METTL21C: variants seen among roughly 807,000 people sequenced by gnomAD.
METTL21C encodes methyltransferase 21C, AARS1 lysine.
METTL21C carries 21 observed loss-of-function variants against 25.9 expected under a neutral mutation model. That is an observed-to-expected ratio of 0.81 (90% confidence interval 0.58 to 1.17). The LOEUF (loss-of-function observed/expected upper bound fraction) is 1.17, where lower values mean the gene tolerates loss of function less well. Ranked by LOEUF, METTL21C falls within the 50% of genes most tolerant of loss-of-function variation. The pLI is 0.00. For synonymous variants in METTL21C, 125 were observed against 124.7 expected (o/e 1.00, Z -0.01); for missense variants, 312 against 315.1 (o/e 0.99, Z 0.07).
intron 1 of METTL21C, 133 bp from the exon 2 acceptor site, chr13:102,691,097 A>C: frequency 1.0e-6 from 1 of 1,004,390 alleles, no homozygotes; most frequent in East Asian, 2.5e-5. Flanking sequence ...GCTATCAAGG[A>C]GAACGGCTGC....
At chr13:102,687,900 C>T (rs1214326552) in intron 2 of METTL21C, among the ~76,000 whole-genome samples, 1 of 152,168 alleles carries the variant, frequency 6.6e-6, no homozygotes, top group African/African-American at 2.4e-5. Context: ...CTAACCTTTC[C>T]ACAAAGAGTA....
At chr13:102,686,481 A>G in intron 3 of METTL21C, 56 bp from the exon 4 acceptor site, 1 of 1,529,890 alleles carries the variant, frequency 6.5e-7, no homozygotes, top group Admixed American at 2.1e-5. Context: ...CAGTGTACAT[A>G]TACCCAGGGA....
intron 1 of METTL21C, among the ~76,000 whole-genome samples, chr13:102,691,861 TG>T (rs1885837179): frequency 6.6e-6 from 1 of 152,166 alleles, no homozygotes; most frequent in Admixed American, 6.5e-5. Context: ...AGCTCTCAGA[TG>T]GCATATAAAA....
At position 102,694,707 on chromosome 13, in the gene METTL21C, T is replaced by C. The variant is rs150358373; in HGVS notation, c.-209A>G. ...TCTTTACCTTATGCAGCAGAAGAGA[T>C]GTGAGGCTTCTGTGCACTCTTTAAT... On this transcript the variant is annotated 5_prime_UTR_variant, in exon 1 of 4. Transcript: ENST00000267273. 3.8e-3 allele frequency among the ~76,000 whole-genome samples: 570 copies of C among 151,914 alleles called. 3 individuals carry two copies. Among genetic ancestry groups the C allele is most frequent in the African/African-American group, 0.013 (540 of 41,448 alleles).
chr13:102,701,633 G>A, the METTL21C span, among the ~76,000 whole-genome samples: 1 of 152,102 alleles, frequency 6.6e-6, no homozygotes, highest in Non-Finnish European at 1.5e-5. Flanking sequence ...GTATGTGCGT[G>A]TGTGTGCATG....
the METTL21C span, among the ~76,000 whole-genome samples, chr13:102,703,094 G>C: frequency 6.6e-6 from 1 of 152,154 alleles, no homozygotes; most frequent in African/African-American, 2.4e-5. Context: ...ATTGCAGTGG[G>C]ATAGAGGTAA....
At chr13:102,699,420 G>A (rs1177946114), upstream of METTL21C, among the ~76,000 whole-genome samples, 1 of 152,160 alleles carries the variant, frequency 6.6e-6, no homozygotes, top group Non-Finnish European at 1.5e-5. Context: ...TTTCACCACA[G>A]CTCGCCCTGG....
intron 3 of METTL21C, 36 bp from the exon 4 acceptor site, chr13:102,686,461 T>C: frequency 6.3e-7 from 1 of 1,579,150 alleles, no homozygotes; most frequent in Non-Finnish European, 8.6e-7. Context: ...TGGAAACATC[T>C]GGGCAGTCAC....
chr13:102,696,804 T>C (rs1336752087), upstream of METTL21C, among the ~76,000 whole-genome samples: 9 of 152,188 alleles, frequency 5.9e-5, no homozygotes, highest in Admixed American at 5.9e-4. Context: ...CTCTGACATA[T>C]GGTAGCTCCT....
In METTL21C at chr13:102,686,163, C is replaced by G; in HGVS notation, c.663G>C (p.Trp221Cys). 1.2e-6 allele frequency: 2 copies of G among 1,614,098 alleles called. No homozygotes were observed. Among genetic ancestry groups the G allele is most frequent in the South Asian group, 2.2e-5 (2 of 91,084 alleles). The stretch of plus-strand genomic sequence containing the variant: ...CGGTGCTGAACCTGAATTTGTTTGC[C>G]CAAAGCAGCACCGTCCCTGGCTGGG... Reference protein sequence around the residue: ...YLSQPGTVLLWANKFRFSTDY... With the variant: ...YLSQPGTVLLCANKFRFSTDY... The change falls in exon 4 of 4, where the codon TGG (tryptophan) becomes TGC (cysteine). Residue 221 changes from tryptophan to cysteine, a missense_variant. Trp to Cys is a radical substitution (Grantham distance 215). Coordinates refer to ENST00000267273, the MANE Select transcript of METTL21C (RefSeq NM_001010977.3).
chr13:102,686,683 G>A (rs1304328635), intron 3 of METTL21C, among the ~76,000 whole-genome samples: 1 of 152,166 alleles, frequency 6.6e-6, no homozygotes, highest in East Asian at 1.9e-4. Context: ...CTGTGGGATT[G>A]ACAACAGAGA....
In METTL21C at chr13:102,690,837, ACT is replaced by A. The variant is rs1475262789; in HGVS notation, c.256_257del (p.Ser86LeufsTer32). On this transcript the variant is annotated frameshift_variant, in exon 2 of 4. Coordinates refer to ENST00000267273, the MANE Select transcript of METTL21C (RefSeq NM_001010977.3). LOFTEE classifies it high-confidence loss of function. Reference protein sequence around the residue: ...KEIVIQESIESYGAVVWPGAM... With the variant: ...KEIVIQESIEXYGAVVWPGAM... ...CCCCTGGCCACACCACCGCTCCGTAACTCTCTATGGATTCCTGGATGACAATC... is the reference window on the plus strand; with the variant it reads ...CCCCTGGCCACACCACCGCTCCGTAACTCTATGGATTCCTGGATGACAATC... 3 of 1,613,874 alleles carry A rather than the reference ACT, an allele frequency of 1.9e-6. No individual in the cohort carries two copies. The highest frequency in any genetic ancestry group is 2.7e-5 in the African/African-American group (2 of 74,870).
rs527634408 is a variant in METTL21C, at chr13:102,688,994, A to G, written c.282+1819T>C. On this transcript the variant is annotated intron_variant, in intron 2 of 3. Transcript: ENST00000267273. ...CCTTCTTGTGCAGCTTTCAGGAAGC[A>G]GGTTTCATGAGAGGCTAGTGTTTGG... Among the ~76,000 whole-genome samples the G allele has an allele frequency of 8.7e-4, 133 of 152,350 alleles. 1 individual carries two copies. Among genetic ancestry groups the G allele is most frequent in the African/African-American group, 3.1e-3 (127 of 41,582 alleles).
At chr13:102,689,432 A>G (rs924193214) in intron 2 of METTL21C, among the ~76,000 whole-genome samples, 4 of 152,230 alleles carry the variant, frequency 2.6e-5, no homozygotes, top group African/African-American at 9.7e-5. Flanking sequence ...TCGACACCTA[A>G]GAGCCTGAAG....
chr13:102,696,890 C>T (rs1885955531), upstream of METTL21C, among the ~76,000 whole-genome samples: 1 of 152,124 alleles, frequency 6.6e-6, no homozygotes, highest in Admixed American at 6.5e-5. Context: ...CACGGGAAGA[C>T]TCCAAAGGTT....
chr13:102,688,311 G>T (rs976478222), intron 2 of METTL21C, among the ~76,000 whole-genome samples: 3 of 152,182 alleles, frequency 2.0e-5, no homozygotes, highest in African/African-American at 7.2e-5. Context: ...GAACTGCCAC[G>T]GGCAAAGATG....
chr13:102,688,966 T>C (rs545114961), intron 2 of METTL21C, among the ~76,000 whole-genome samples: 3 of 152,338 alleles, frequency 2.0e-5, no homozygotes, highest in African/African-American at 7.2e-5. Flanking sequence ...CCACTCTAGA[T>C]GCCCTTCTTG....
At position 102,686,442 on chromosome 13, in the gene METTL21C, A is replaced by G. The variant is rs1441920768; in HGVS notation, c.401-17T>C. 1 of 1,595,028 alleles carries G rather than the reference A, an allele frequency of 6.3e-7. No homozygotes were observed. The highest frequency in any genetic ancestry group is 2.2e-5 in the East Asian group (1 of 44,786). On this transcript the variant is annotated splice_polypyrimidine_tract_variant and intron_variant, in intron 3 of 3. Coordinates refer to ENST00000267273, the MANE Select transcript of METTL21C (RefSeq NM_001010977.3). ...CTTGAGCTCCTAAGAGAAAAAGAAA[A>G]CAATGACCTGGAAACATCTGGGCAG...
At chr13:102,702,885 C>A in the METTL21C span, among the ~76,000 whole-genome samples, 3 of 152,132 alleles carry the variant, frequency 2.0e-5, no homozygotes, top group Non-Finnish European at 4.4e-5. Context: ...GCCACTGCAA[C>A]CAACCCCAAA....
Sources: gnomAD v4.1 joint callset for allele counts (sites outside exome capture counted in the v4.1 genomes callset) on GRCh38, gnomAD v4.1.1 for gene constraint, MANE v1.5 for transcripts, NCBI Gene and HGNC (gene_info 2026-07-23, HGNC 2026-07-21) for gene names.